Variants in EZR observed in about 807,000 individuals in gnomAD.
EZR encodes the protein cytovillin 2.
A neutral mutation model predicts 74.8 loss-of-function variants in EZR; 40 were observed. The ratio of observed to expected loss-of-function variants is 0.53; its 90% CI spans 0.42 to 0.70. The LOEUF is 0.70. Ranked by LOEUF, EZR falls within the 30% of genes least tolerant of loss-of-function variation. EZR has a pLI of 0.00. For synonymous variants in EZR, 341 were observed against 283.3 expected, an observed-to-expected ratio of 1.20 and a Z score of -2.05; for missense variants, 678 against 755.8, an observed-to-expected ratio of 0.90 and a Z score of 1.21.
At chr6:158,809,371 A>C (rs1407807515) in intron 2 of EZR, among the ~76,000 whole-genome samples, 1 of 152,252 alleles carries the variant, frequency 6.6e-6, no homozygotes, top group Non-Finnish European at 1.5e-5. Context: ...ATTCATTTAC[A>C]TAACATTCTC....
intron 2 of EZR, among the ~76,000 whole-genome samples, chr6:158,815,242 C>T (rs1407016430): frequency 6.6e-6 from 1 of 152,172 alleles, no homozygotes; most frequent in East Asian, 1.9e-4. Context: ...AACCCCAAAC[C>T]AAACCAAAAC....
chr6:158,788,769 A>G (rs1467168655), intron 3 of EZR, among the ~76,000 whole-genome samples: 1 of 152,254 alleles, frequency 6.6e-6, no homozygotes, highest in Non-Finnish European at 1.5e-5. Context: ...CCAATTTTAA[A>G]AAGTGAATTA....
intron 7 of EZR, among the ~76,000 whole-genome samples, chr6:158,779,366 A>G (rs999495245): frequency 1.3e-5 from 2 of 152,178 alleles, no homozygotes; most frequent in Non-Finnish European, 2.9e-5. Context: ...GGCTCCAGAG[A>G]GGGTCCCGGG....
At chr6:158,801,493 T>C (rs1777185330) in intron 2 of EZR, among the ~76,000 whole-genome samples, 1 of 152,196 alleles carries the variant, frequency 6.6e-6, no homozygotes, top group African/African-American at 2.4e-5. Context: ...GTGCACAGAA[T>C]TGTAACAAAA....
chr6:158,776,671 AG>A (rs780084558), intron 7 of EZR, among the ~76,000 whole-genome samples, 167 bp from the exon 8 acceptor site: 1 of 152,216 alleles, frequency 6.6e-6, no homozygotes, highest in African/African-American at 2.4e-5. Context: ...CACCTGTCCT[AG>A]GTTAAGCCAA....
intron 3 of EZR, among the ~76,000 whole-genome samples, chr6:158,788,943 T>G (rs1261021554): frequency 2.0e-5 from 3 of 152,156 alleles, no homozygotes; most frequent in African/African-American, 7.2e-5. Flanking sequence ...GCGTCTCTAA[T>G]ACAGGGTGAG....
chr6:158,770,838 T>C lies in EZR; in HGVS notation c.1016A>G (p.Gln339Arg). ...RRETVEREKE[Q>R]MMREKEELML... ...CAACTCCTCCTTCTCGCGCATCATCTGCTCTTTCTCTCTCTCCACGGTTTC... is the reference window on the plus strand; with the variant it reads ...CAACTCCTCCTTCTCGCGCATCATCCGCTCTTTCTCTCTCTCCACGGTTTC... Residue 339 changes from glutamine to arginine, a missense_variant, in exon 10 of 14, where the codon CAG (glutamine) becomes CGG (arginine). Around this residue, in one of 3 missense-constraint regions of EZR, gnomAD observed 342 missense variants for 341.2 expected, o/e 1.00. Coordinates refer to ENST00000367075, the MANE Select transcript of EZR (RefSeq NM_001111077.2). The C allele has an allele frequency of 6.2e-7, 1 of 1,614,258 alleles. No individual in the cohort carries two copies. Among genetic ancestry groups the C allele is most frequent in the South Asian group, 1.1e-5 (1 of 91,090 alleles).
chr6:158,803,572 T>TAAAAA (rs1484147378), intron 2 of EZR, among the ~76,000 whole-genome samples: 3 of 8,740 alleles, frequency 3.4e-4, no homozygotes, highest in African/African-American at 4.7e-4. Context: ...TATATATATA[T>TAAAAA]ATATATATAC....
At chr6:158,791,140 C>T (rs1358498147) in intron 2 of EZR, among the ~76,000 whole-genome samples, 1 of 99,332 alleles carries the variant, frequency 1.0e-5, no homozygotes, top group Non-Finnish European at 2.1e-5. Context: ...GATCCTCTAA[C>T]ATGCATCCAA....
chr6:158,782,725 G>A (rs1173507705), intron 7 of EZR, among the ~76,000 whole-genome samples: 1 of 152,210 alleles, frequency 6.6e-6, no homozygotes, highest in Non-Finnish European at 1.5e-5. Flanking sequence ...GTAGTCAGGA[G>A]GCAGTCAGGA....
chr6:158,782,534 G>A (rs116348459), intron 7 of EZR, among the ~76,000 whole-genome samples: 39 of 152,330 alleles, frequency 2.6e-4, no homozygotes, highest in Admixed American at 6.5e-4. Flanking sequence ...GGGCCACTCT[G>A]CTCTTTACGT....
intron 2 of EZR, among the ~76,000 whole-genome samples, chr6:158,802,143 G>A (rs544138851): frequency 2.0e-5 from 3 of 152,240 alleles, no homozygotes; most frequent in African/African-American, 7.2e-5. Flanking sequence ...AGGTGTAAAG[G>A]GCATTCATTG....
chr6:158,810,131 T>G (rs1168072918), intron 2 of EZR, among the ~76,000 whole-genome samples: 1 of 152,212 alleles, frequency 6.6e-6, no homozygotes, highest in Non-Finnish European at 1.5e-5. Flanking sequence ...TACTGGTTCC[T>G]CTCCTATCAA....
intron 2 of EZR, among the ~76,000 whole-genome samples, chr6:158,817,768 A>T (rs1777590314): frequency 6.6e-6 from 1 of 152,158 alleles, no homozygotes; most frequent in African/African-American, 2.4e-5. Context: ...TCTAAGTTGT[A>T]TTACTATACC....
At chr6:158,799,191 C>G (rs573600082) in intron 2 of EZR, among the ~76,000 whole-genome samples, 1 of 152,012 alleles carries the variant, frequency 6.6e-6, no homozygotes, top group South Asian at 2.1e-4. Context: ...CACAGGCCCT[C>G]GAGGCGCTCA....
intron 2 of EZR, among the ~76,000 whole-genome samples, chr6:158,805,050 G>A (rs1777304883): frequency 6.6e-6 from 1 of 151,804 alleles, no homozygotes; most frequent in Non-Finnish European, 1.5e-5. Flanking sequence ...TACTGAGAAT[G>A]ATGATTTCCA....
chr6:158,816,567 C>G (rs1262634666), intron 2 of EZR, among the ~76,000 whole-genome samples: 2 of 152,208 alleles, frequency 1.3e-5, no homozygotes, highest in African/African-American at 4.8e-5. Context: ...AGGTCAGTTT[C>G]ATACCACATG....
chr6:158,773,138 C>T (rs2128566842), intron 8 of EZR, among the ~76,000 whole-genome samples: 1 of 152,282 alleles, frequency 6.6e-6, no homozygotes, highest in South Asian at 2.1e-4. Flanking sequence ...ACCAAATAGG[C>T]CCTGACTCAG....
chr6:158,783,920 G>C (rs1322681231), intron 6 of EZR, among the ~76,000 whole-genome samples: 8 of 152,172 alleles, frequency 5.3e-5, no homozygotes, highest in Non-Finnish European at 1.0e-4. Context: ...AAGAAGAACT[G>C]ATTCACACTG....
Sources: gnomAD v4.1 joint callset for allele counts (sites outside exome capture counted in the v4.1 genomes callset) on GRCh38, gnomAD v4.1.1 for gene constraint, gnomAD v4.1.1 regional missense constraint, MANE v1.5 for transcripts, NCBI Gene and HGNC (gene_info 2026-07-23, HGNC 2026-07-21) for gene names.